The following MPPED1 variants were observed in gnomAD, a reference collection of about 807,000 sequenced individuals.
MPPED1 encodes the protein metallophosphoesterase domain containing 1, also known as metallophosphoesterase domain-containing protein 1.
MPPED1 carries 16 observed loss-of-function variants against 36.2 expected under a neutral mutation model. The observed-to-expected ratio is 0.44, with a 90% confidence interval of 0.30 to 0.67. The LOEUF (loss-of-function observed/expected upper bound fraction) is 0.67. MPPED1 is among the 30% of genes least tolerant of loss of function. The pLI, the probability that MPPED1 is intolerant of heterozygous loss-of-function variation, is 0.10. For synonymous variants in MPPED1, 199 were observed against 191.3 expected, an observed-to-expected ratio of 1.04 and a Z score of -0.33; for missense variants, 307 against 453.4, an observed-to-expected ratio of 0.68 and a Z score of 2.93.
chr22:43,481,614 C>A (rs919190909), intron 4 of MPPED1, among the ~76,000 whole-genome samples: 7 of 152,180 alleles, frequency 4.6e-5, no homozygotes, highest in African/African-American at 1.7e-4. Flanking sequence ...TATTCTCCTG[C>A]GATTGAACCT....
intron 3 of MPPED1, among the ~76,000 whole-genome samples, chr22:43,455,325 G>C (rs1357018484): frequency 2.0e-5 from 3 of 151,982 alleles, no homozygotes; most frequent in African/African-American, 7.3e-5. Context: ...GGCCAGGCTG[G>C]TCTCAAACTC....
rs1416701672 is a variant in MPPED1 at position 43,419,823 on chromosome 22, G to A, written c.-78-5085G>A. Among the ~76,000 whole-genome samples, 3 of 152,092 alleles carry A rather than the reference G, an allele frequency of 2.0e-5. No individual in the cohort carries two copies. In the South Asian group the frequency reaches 6.2e-4, roughly 32 times the overall value. On this transcript the variant is annotated intron_variant, in intron 1 of 6. Transcript: ENST00000443721. ...TAGACACCAGCTTTCCATACAGTTG[G>A]CGTCAAATGGGACCTGCTCCTTGGT...
chr22:43,501,355 C>T (rs1365486243), intron 5 of MPPED1, among the ~76,000 whole-genome samples: 1 of 152,174 alleles, frequency 6.6e-6, no homozygotes, highest in African/African-American at 2.4e-5. Flanking sequence ...CTCCCCTCTT[C>T]TATCTTTCCT....
intron 4 of MPPED1, among the ~76,000 whole-genome samples, chr22:43,491,222 A>T (rs1025982246): frequency 6.6e-6 from 1 of 152,222 alleles, no homozygotes; most frequent in Non-Finnish European, 1.5e-5. Context: ...GGAGGGCTCC[A>T]TGATAATTAT....
At chr22:43,453,574 A>G (rs1242533043) in intron 3 of MPPED1, among the ~76,000 whole-genome samples, 1 of 152,068 alleles carries the variant, frequency 6.6e-6, no homozygotes, top group Non-Finnish European at 1.5e-5. Context: ...AGGACTCTAG[A>G]TGACCATTTA....
chr22:43,463,716 T>C (rs1239818243), intron 3 of MPPED1, among the ~76,000 whole-genome samples: 1 of 152,176 alleles, frequency 6.6e-6, no homozygotes, highest in Non-Finnish European at 1.5e-5. Context: ...AAAAGCATTT[T>C]CCTGCCTCAG....
In MPPED1 at chr22:43,506,246, G is replaced by A. The variant is rs1358033965; in HGVS notation, c.*630G>A. ...AGGCATTTTTGTTTACTTGAACAAT[G>A]ACCTGAGTGTCCTAGGCATTCACTC... On this transcript the variant is annotated 3_prime_UTR_variant, in exon 7 of 7. Transcript: ENST00000443721. 6.5e-6 allele frequency: 1 copy of A among 152,694 alleles called. No individual in the cohort carries two copies. The highest frequency in any genetic ancestry group is 1.5e-5 in the Non-Finnish European group (1 of 68,144). The allele number at this position is 152,694 out of a possible 1,614,324, so 9.5% of individuals were successfully genotyped here.
chr22:43,440,591 T>C (rs1485153299), intron 3 of MPPED1, among the ~76,000 whole-genome samples: 1 of 152,202 alleles, frequency 6.6e-6, no homozygotes, highest in African/African-American at 2.4e-5. Context: ...GAACTGTCAG[T>C]TCCTGAGCTG....
Position 43,412,158 on chromosome 22 carries a change from G to A in MPPED1, c.-79G>A. On this transcript the variant is annotated splice_region_variant and 5_prime_UTR_variant, in exon 1 of 7. Transcript: ENST00000443721. Reference sequence around the variant, plus strand: ...GCCGCCGAAGAGGAGCCCGGGGCCAGGTAGGACCGGAGGCGGGCGGGGCGC... The same window carrying A: ...GCCGCCGAAGAGGAGCCCGGGGCCAAGTAGGACCGGAGGCGGGCGGGGCGC... 1.0e-6 allele frequency: 1 copy of A among 980,026 alleles called. No homozygotes were observed. The highest frequency in any genetic ancestry group is 4.6e-5 in the South Asian group (1 of 21,760). The allele number at this position is 980,026 out of a possible 1,614,324, so 60.7% of individuals were successfully genotyped here.
chr22:43,435,218 A>G lies in MPPED1; in HGVS notation c.406+3A>G, dbSNP rs759512403. 1.9e-6 allele frequency: 3 copies of G among 1,604,648 alleles called. No homozygotes were observed. Among genetic ancestry groups the G allele is most frequent in the Admixed American group, 1.7e-5 (1 of 59,812 alleles). ...GAAGAAGTTCAACGAGTGGCTGGGT[A>G]GGTCCCTCCTGCCCCGGGCGGGCGG... On this transcript the variant is annotated splice_donor_region_variant and intron_variant, in intron 3 of 6. Transcript: ENST00000443721.
chr22:43,449,423 C>A (rs944125811), intron 3 of MPPED1, among the ~76,000 whole-genome samples: 2 of 67,444 alleles, frequency 3.0e-5, no homozygotes, highest in Non-Finnish European at 3.6e-5. Flanking sequence ...ACAGTGCCAA[C>A]CCCCCCCGCC....
At chr22:43,463,871 CTTT>C (rs1931064766) in intron 3 of MPPED1, among the ~76,000 whole-genome samples, 2 of 96,308 alleles carry the variant, frequency 2.1e-5, no homozygotes, top group African/African-American at 3.9e-5. Flanking sequence ...TTCTTTCTTT[CTTT>C]CTCTTTCTGT....
At chr22:43,428,317 G>A (rs1326154801) in intron 2 of MPPED1, among the ~76,000 whole-genome samples, 1 of 152,216 alleles carries the variant, frequency 6.6e-6, no homozygotes, top group Non-Finnish European at 1.5e-5. Flanking sequence ...GGCAGCTGGG[G>A]TTTGGGTGGG....
intron 1 of MPPED1, among the ~76,000 whole-genome samples, chr22:43,419,720 G>T (rs978369930): frequency 6.6e-6 from 1 of 151,112 alleles, no homozygotes; most frequent in Non-Finnish European, 1.5e-5. Context: ...AGACCGCCAG[G>T]AGACCAGACA....
chr22:43,496,157 G>A (rs1367174693), intron 4 of MPPED1, among the ~76,000 whole-genome samples: 10 of 110,482 alleles, frequency 9.1e-5, no homozygotes, highest in Admixed American at 1.6e-4. Context: ...GGAGGTGGTG[G>A]TGGTGGAGGT....
At chr22:43,494,693 C>CAGTGGTGGT (rs1932199922) in intron 4 of MPPED1, among the ~76,000 whole-genome samples, 1 of 44,196 alleles carries the variant, frequency 2.3e-5, no homozygotes, top group South Asian at 5.0e-4. Flanking sequence ...ATTTGATTCA[C>CAGTGGTGGT]AGTGGTGGTG....
At chr22:43,503,525 G>A (rs1283044593) in intron 6 of MPPED1, among the ~76,000 whole-genome samples, 3 of 152,118 alleles carry the variant, frequency 2.0e-5, no homozygotes, top group African/African-American at 7.2e-5. Context: ...CCTCCACATT[G>A]CCTGGTCCAT....
intron 3 of MPPED1, among the ~76,000 whole-genome samples, chr22:43,438,022 C>T (rs377075675): frequency 2.0e-5 from 3 of 152,166 alleles, no homozygotes; most frequent in Admixed American, 1.3e-4. Flanking sequence ...AGAAACATTC[C>T]GTCATCCTAT....
chr22:43,504,680 T>C (rs115653896), intron 6 of MPPED1, among the ~76,000 whole-genome samples: 2,509 of 151,926 alleles, frequency 0.017, 77 homozygotes, highest in African/African-American at 0.057. Context: ...GTGATGATGA[T>C]AGCATTGGTG....
Sources: gnomAD v4.1 joint callset for allele counts (sites outside exome capture counted in the v4.1 genomes callset) on GRCh38, gnomAD v4.1.1 for gene constraint, MANE v1.5 for transcripts, NCBI Gene and HGNC (gene_info 2026-07-23, HGNC 2026-07-21) for gene names.